Variants in TAB2 observed in about 807,000 individuals in gnomAD.
TAB2 encodes the protein TGF-beta-activated kinase 1 and MAP3K7-binding protein 2.
In TAB2, 3 loss-of-function variants were observed where a neutral mutation model predicts 65.0. The observed-to-expected ratio is 0.05, with a 90% CI of 0.02 to 0.12. TAB2 has a LOEUF of 0.12. Among genes scored for constraint, TAB2 ranks in the 10% least tolerant of loss-of-function variants. The pLI is 1.00. For synonymous variants in TAB2, 298 were observed against 285.1 expected, an observed-to-expected ratio of 1.05 and a Z score of -0.46; for missense variants, 623 against 840.3, an observed-to-expected ratio of 0.74 and a Z score of 3.20.
chr6:149,384,638 A>T (rs1354508659), intron 3 of TAB2, among the ~76,000 whole-genome samples: 2 of 152,224 alleles, frequency 1.3e-5, no homozygotes, highest in Admixed American at 6.5e-5. Context: ...GTCAGTGGTC[A>T]GATATAGCTA....
chr6:149,323,955 A>G (rs143949077), intron 1 of TAB2, among the ~76,000 whole-genome samples: 3 of 152,154 alleles, frequency 2.0e-5, no homozygotes, highest in Non-Finnish European at 2.9e-5. Flanking sequence ...ATAACTGTCT[A>G]CTACAGGACA....
At chr6:149,297,060 A>ATC (rs558107680) in intron 1 of TAB2, among the ~76,000 whole-genome samples, 7 of 148,092 alleles carry the variant, frequency 4.7e-5, no homozygotes, top group Admixed American at 1.3e-4. Flanking sequence ...CATCCTCTCT[A>ATC]TCTCTCTCTC....
intron 1 of TAB2, among the ~76,000 whole-genome samples, chr6:149,259,241 T>C (rs955849248): frequency 6.6e-6 from 1 of 151,920 alleles, no homozygotes; most frequent in Non-Finnish European, 1.5e-5. Flanking sequence ...GCAAGAAAAA[T>C]ATATAACTAG....
At chr6:149,312,355 T>G (rs9404027) in intron 1 of TAB2, among the ~76,000 whole-genome samples, 1 of 151,946 alleles carries the variant, frequency 6.6e-6, no homozygotes, top group Admixed American at 6.6e-5. Context: ...TGCTTTTTTT[T>G]AATTTTTTTG....
At chr6:149,254,447 G>C (rs1344047820) in intron 1 of TAB2, among the ~76,000 whole-genome samples, 2 of 152,122 alleles carry the variant, frequency 1.3e-5, no homozygotes, top group African/African-American at 4.8e-5. Context: ...GTCATATGAC[G>C]ACTGTTTCTG....
chr6:149,218,257 C>A (rs574600988), upstream of TAB2, among the ~76,000 whole-genome samples: 11 of 152,112 alleles, frequency 7.2e-5, no homozygotes, highest in South Asian at 8.3e-4. Flanking sequence ...ATTTTGTACT[C>A]GGATAGGTTG....
At chr6:149,326,271 CAAA>C (rs59070515) in intron 1 of TAB2, among the ~76,000 whole-genome samples, 11 of 124,992 alleles carry the variant, frequency 8.8e-5, no homozygotes, top group East Asian at 2.5e-4. Context: ...GACCCCATCT[CAAA>C]AAAAAAAAAA....
intron 6 of TAB2, among the ~76,000 whole-genome samples, chr6:149,403,272 ATATATATATATACACAC>A (rs1782522480): frequency 2.4e-5 from 1 of 41,354 alleles, no homozygotes; most frequent in African/African-American, 1.3e-4. Context: ...ATATATATAT[ATATATATATATACACAC>A]ACACACATAT....
upstream of TAB2, among the ~76,000 whole-genome samples, chr6:149,314,825 C>T (rs994830701): frequency 6.6e-6 from 1 of 150,862 alleles, no homozygotes; most frequent in East Asian, 1.9e-4. Flanking sequence ...CAGGACCTTA[C>T]TAGACTAAAA....
chr6:149,302,087 G>C (rs568023819), intron 1 of TAB2, among the ~76,000 whole-genome samples: 48 of 152,034 alleles, frequency 3.2e-4, no homozygotes, highest in Non-Finnish European at 5.6e-4. Context: ...CAAACTTACA[G>C]CCTGTTCTGT....
At chr6:149,289,203 C>A (rs9498293) in intron 1 of TAB2, among the ~76,000 whole-genome samples, 34,088 of 151,848 alleles carry the variant, frequency 0.22, 4,079 homozygotes, top group East Asian at 0.43. Context: ...TGCTCAAAAC[C>A]ATCCAATGGC....
At chr6:149,409,187 G>A (rs1030066206) in intron 6 of TAB2, among the ~76,000 whole-genome samples, 1 of 152,152 alleles carries the variant, frequency 6.6e-6, no homozygotes, top group African/African-American at 2.4e-5. Context: ...AAATACTACT[G>A]CAGTGGGAAA....
chr6:149,386,601 G>A (rs1471924934), intron 3 of TAB2, among the ~76,000 whole-genome samples: 2 of 152,094 alleles, frequency 1.3e-5, no homozygotes, highest in Admixed American at 6.6e-5. Context: ...CCTTTTTATG[G>A]CCAAATATGC....
chr6:149,402,617 C>G (rs1329615110), intron 6 of TAB2, among the ~76,000 whole-genome samples: 1 of 152,162 alleles, frequency 6.6e-6, no homozygotes, highest in Non-Finnish European at 1.5e-5. Context: ...GGAACACTTC[C>G]AAACTCATTC....
intron 1 of TAB2, among the ~76,000 whole-genome samples, chr6:149,238,369 G>T (rs1042758466): frequency 1.3e-5 from 2 of 152,076 alleles, no homozygotes; most frequent in Non-Finnish European, 2.9e-5. Context: ...TTCTTTACCT[G>T]GGAGAGGAGA....
At chr6:149,257,719 C>G (rs1437196034) in intron 1 of TAB2, among the ~76,000 whole-genome samples, 2 of 152,154 alleles carry the variant, frequency 1.3e-5, no homozygotes, top group African/African-American at 4.8e-5. Flanking sequence ...ATCAGAATCT[C>G]TGGGGGCAGA....
intron 1 of TAB2, among the ~76,000 whole-genome samples, chr6:149,287,065 C>T (rs1203865445): frequency 6.6e-6 from 1 of 152,024 alleles, no homozygotes; most frequent in Admixed American, 6.6e-5. Flanking sequence ...TGCAGTGAGC[C>T]GAGACGGAGC....
At chr6:149,401,644 C>T (rs544825117) in intron 6 of TAB2, among the ~76,000 whole-genome samples, 1 of 151,924 alleles carries the variant, frequency 6.6e-6, no homozygotes, top group Non-Finnish European at 1.5e-5. Flanking sequence ...AATATCCAGG[C>T]AGAAAATGAA....
rs540749257 is a variant in TAB2, at chr6:149,270,309, G to C, written c.-121+51533G>C. 2.0e-5 allele frequency among the ~76,000 whole-genome samples: 3 copies of C among 152,202 alleles called. No homozygotes were observed. In the South Asian group the frequency reaches 6.2e-4, roughly 32 times the overall value. On this transcript the variant is annotated intron_variant, in intron 1 of 1. Coordinates refer to the TAB2 transcript ENST00000606202. ...GGCTCTATGGTTTTCCTATTATTGA[G>C]TTTTGAGAGTTCTTTACACTAGTTC...
Sources: gnomAD v4.1 joint callset for allele counts (sites outside exome capture counted in the v4.1 genomes callset) on GRCh38, gnomAD v4.1.1 for gene constraint, MANE v1.5 for transcripts, NCBI Gene and HGNC (gene_info 2026-07-23, HGNC 2026-07-21) for gene names.